Variants in RCSD1 observed in about 807,000 individuals in gnomAD.
The protein encoded by RCSD1 is RCSD domain containing 1.
In RCSD1, 26 loss-of-function variants were observed where a neutral mutation model predicts 42.5. The observed-to-expected ratio is 0.61, with a 90% CI of 0.45 to 0.85. RCSD1 has a LOEUF of 0.85. Ranked by LOEUF, RCSD1 falls within the 40% of genes least tolerant of loss-of-function variation. The pLI is 0.00. For missense variants in RCSD1, 571 were observed against 528.3 expected, an observed-to-expected ratio of 1.08 and a Z score of -0.79; for synonymous variants, 220 against 212.2, an observed-to-expected ratio of 1.04 and a Z score of -0.32.
At chr1:167,668,464 C>T (rs1658715015) in intron 1 of RCSD1, among the ~76,000 whole-genome samples, 1 of 152,130 alleles carries the variant, frequency 6.6e-6, no homozygotes, top group South Asian at 2.1e-4. Context: ...TGGATCACTT[C>T]TACTGACCTC....
intron 1 of RCSD1, among the ~76,000 whole-genome samples, chr1:167,631,452 C>T (rs1192169489): frequency 2.0e-5 from 3 of 152,204 alleles, no homozygotes; most frequent in South Asian, 2.1e-4. Flanking sequence ...ATCTCTTCCC[C>T]GCTCCAGGCT....
intron 1 of RCSD1, among the ~76,000 whole-genome samples, chr1:167,658,640 A>G (rs1239993290): frequency 6.6e-6 from 1 of 151,800 alleles, no homozygotes; most frequent in Non-Finnish European, 1.5e-5. Flanking sequence ...CATATTGGCC[A>G]GGCTGGCCTA....
intron 1 of RCSD1, chr1:167,663,511 C>T (rs1301057913): frequency 6.6e-6 from 1 of 152,384 alleles, no homozygotes. Flanking sequence ...TCCAAATGAC[C>T]CCAGCACACA....
chr1:167,641,487 G>A (rs1174276796), intron 1 of RCSD1: 1 of 152,176 alleles, frequency 6.6e-6, no homozygotes, highest in East Asian at 1.9e-4. Flanking sequence ...GGGAGGCCGA[G>A]GCAGGTGGAT....
intron 1 of RCSD1, among the ~76,000 whole-genome samples, chr1:167,681,983 A>T (rs986947971): frequency 6.6e-6 from 1 of 152,188 alleles, no homozygotes; most frequent in Non-Finnish European, 1.5e-5. Context: ...GAAATCTGGC[A>T]TCTTGAATAG....
At chr1:167,702,984 A>T (rs1249167864) in intron 6 of RCSD1, among the ~76,000 whole-genome samples, 2 of 152,140 alleles carry the variant, frequency 1.3e-5, no homozygotes, top group African/African-American at 2.4e-5. Flanking sequence ...TAATTGCCTG[A>T]TTCAATTGCT....
At chr1:167,664,642 C>A (rs545205691) in intron 1 of RCSD1, 3 of 152,210 alleles carry the variant, frequency 2.0e-5, no homozygotes, top group Admixed American at 2.0e-4. Context: ...TTATGGCTCA[C>A]GCCTGTAATC....
intron 4 of RCSD1, among the ~76,000 whole-genome samples, chr1:167,693,209 G>C (rs1173556452): frequency 6.6e-6 from 1 of 152,156 alleles, no homozygotes; most frequent in Admixed American, 6.5e-5. Flanking sequence ...ACTGCCACAG[G>C]GTCTGCAGGA....
intron 1 of RCSD1, among the ~76,000 whole-genome samples, chr1:167,658,861 A>G (rs1412227750): frequency 6.6e-6 from 1 of 151,708 alleles, no homozygotes; most frequent in Non-Finnish European, 1.5e-5. Flanking sequence ...GTTAGCCCCC[A>G]TGGCTGTGTA....
intron 1 of RCSD1, among the ~76,000 whole-genome samples, chr1:167,630,829 G>C (rs1657679916): frequency 6.9e-6 from 1 of 145,698 alleles, no homozygotes; most frequent in Non-Finnish European, 1.5e-5. Context: ...CCTTCAATCT[G>C]AAGAGATGGG....
chr1:167,700,049 C>G (rs1025634380), intron 6 of RCSD1, among the ~76,000 whole-genome samples: 1 of 152,218 alleles, frequency 6.6e-6, no homozygotes, highest in South Asian at 2.1e-4. Context: ...CTTTTCCTCA[C>G]TGCATCTCCA....
chr1:167,687,311 T>C (rs1659258188), intron 3 of RCSD1, among the ~76,000 whole-genome samples: 1 of 151,856 alleles, frequency 6.6e-6, no homozygotes. Context: ...GATCACGAGG[T>C]CAGGAGATTG....
intron 1 of RCSD1, among the ~76,000 whole-genome samples, chr1:167,673,398 C>T (rs1448423189): frequency 2.6e-5 from 4 of 152,218 alleles, no homozygotes; most frequent in African/African-American, 9.7e-5. Context: ...ATGAAGTCCA[C>T]ATGTTGCAGC....
chr1:167,703,261 T>TC (rs1248589392), intron 6 of RCSD1, among the ~76,000 whole-genome samples: 1 of 152,096 alleles, frequency 6.6e-6, no homozygotes, highest in East Asian at 1.9e-4. Context: ...TTGCCAGAGA[T>TC]CCCTCTGTCT....
At chr1:167,637,725 A>G (rs923538169) in intron 1 of RCSD1, among the ~76,000 whole-genome samples, 14 of 132,364 alleles carry the variant, frequency 1.1e-4, no homozygotes, top group Middle Eastern at 3.5e-3. Flanking sequence ...GGCTCTAGGA[A>G]TAGACCACAC....
rs574726141 is a variant in RCSD1, at chr1:167,699,250, A to T, written c.1218+1408A>T. On this transcript the variant is annotated intron_variant, in intron 6 of 6. Transcript: ENST00000367854. ...TCTTGTATCAGGGTCGCCATAAAAA[A>T]TTACCACAAACTTGGTGGCTCAAAA... Among the ~76,000 whole-genome samples, 70 of 152,216 alleles carry T rather than the reference A, an allele frequency of 4.6e-4. 1 individual carries two copies. Among genetic ancestry groups the T allele is most frequent in the Non-Finnish European group, 8.1e-4 (55 of 68,044 alleles).
At chr1:167,637,028 G>A (rs186760725) in intron 1 of RCSD1, among the ~76,000 whole-genome samples, 2 of 152,324 alleles carry the variant, frequency 1.3e-5, no homozygotes, top group Admixed American at 1.3e-4. Context: ...CACCTAAACA[G>A]ATTATTGCAG....
At chr1:167,665,481 A>G (rs114669191) in intron 1 of RCSD1, among the ~76,000 whole-genome samples, 2,284 of 152,350 alleles carry the variant, frequency 0.015, 60 homozygotes, top group African/African-American at 0.051. Flanking sequence ...GGCAAATACA[A>G]GTAAGATTGT....
chr1:167,659,911 C>T (rs1199751684), intron 1 of RCSD1, among the ~76,000 whole-genome samples: 1 of 152,162 alleles, frequency 6.6e-6, no homozygotes, highest in African/African-American at 2.4e-5. Flanking sequence ...CCAGGTCACT[C>T]ACCCTTCCCT....
Sources: gnomAD v4.1 joint callset for allele counts (sites outside exome capture counted in the v4.1 genomes callset) on GRCh38, gnomAD v4.1.1 for gene constraint, MANE v1.5 for transcripts, NCBI Gene and HGNC (gene_info 2026-07-23, HGNC 2026-07-21) for gene names.